Variants in SLCO2B1 observed in about 807,000 individuals in gnomAD.
The protein encoded by SLCO2B1 is solute carrier organic anion transporter family member 2B1.
A neutral mutation model predicts 67.3 loss-of-function variants in SLCO2B1; 41 were observed. The ratio of observed to expected loss-of-function variants is 0.61; its 90% CI spans 0.47 to 0.79. The LOEUF (loss-of-function observed/expected upper bound fraction) is 0.79. SLCO2B1 is among the 30% of genes least tolerant of loss of function. SLCO2B1 has a pLI of 0.00. For synonymous variants in SLCO2B1, 379 were observed against 381.4 expected, an observed-to-expected ratio of 0.99 and a Z score of 0.07; for missense variants, 837 against 920.1, an observed-to-expected ratio of 0.91 and a Z score of 1.17.
At chr11:75,165,455 C>A (rs1371527086) in intron 3 of SLCO2B1, among the ~76,000 whole-genome samples, 3 of 151,948 alleles carry the variant, frequency 2.0e-5, no homozygotes, top group Admixed American at 6.6e-5. Context: ...AAAATTCAAG[C>A]CTTGACCTGG....
chr11:75,151,794 G>A (rs898551698), intron 1 of SLCO2B1: 52 of 221,770 alleles, frequency 2.3e-4, no homozygotes, highest in African/African-American at 1.1e-3. Context: ...CTCAAACGAA[G>A]AGGCACACAG....
intron 11 of SLCO2B1, 108 bp downstream of exon 11, chr11:75,200,495 T>G (rs1945166430): frequency 7.8e-6 from 9 of 1,153,158 alleles, no homozygotes; most frequent in Non-Finnish European, 8.4e-6. Context: ...CACTTGGGTG[T>G]CCTGGCCCCC....
intron 8 of SLCO2B1, among the ~76,000 whole-genome samples, chr11:75,190,964 G>A (rs1486896458): frequency 1.3e-5 from 2 of 152,202 alleles, no homozygotes; most frequent in Admixed American, 6.5e-5. Context: ...CTCAGTGAAA[G>A]GCATAGCCTC....
At chr11:75,203,082 C>T in intron 12 of SLCO2B1, 117 bp downstream of exon 12, 9 of 1,184,084 alleles carry the variant, frequency 7.6e-6, no homozygotes, top group Non-Finnish European at 1.1e-5. Flanking sequence ...GGCTCACAAG[C>T]TCATGGGGTG....
chr11:75,174,785 T>C (rs1275459284), intron 7 of SLCO2B1, among the ~76,000 whole-genome samples: 2 of 152,134 alleles, frequency 1.3e-5, no homozygotes, highest in African/African-American at 4.8e-5. Context: ...GTCCTAAATT[T>C]GAACAGAGAA....
intron 9 of SLCO2B1, among the ~76,000 whole-genome samples, chr11:75,194,636 C>T (rs538778867): frequency 3.3e-5 from 5 of 152,108 alleles, no homozygotes; most frequent in South Asian, 2.1e-4. Flanking sequence ...CTCCTGTGTG[C>T]GGAGCCTTGT....
At position 75,193,778 on chromosome 11, in the gene SLCO2B1, AG is replaced by A. The variant is rs1464373589; in HGVS notation, c.1433+207del. Among the ~76,000 whole-genome samples, 20 of 152,210 alleles carry A rather than the reference AG, an allele frequency of 1.3e-4. 1 individual carries two copies. Among genetic ancestry groups the A allele is most frequent in the Admixed American group, 8.5e-4 (13 of 15,290 alleles). The stretch of plus-strand genomic sequence containing the variant: ...AGGGTAGGTGTCAGGCACCACTGGA[AG>A]GGGCATGGATGAGACTTCAGGGGCA... On this transcript the variant is annotated intron_variant, in intron 9 of 13. Coordinates refer to ENST00000289575, the MANE Select transcript of SLCO2B1 (RefSeq NM_007256.5). The surrounding 1 kb of genome is among the most constrained non-coding windows in gnomAD (Gnocchi z 4.2).
chr11:75,169,742 G>C lies in SLCO2B1; in HGVS notation c.759G>C (p.Val253=). 2 of 1,614,090 alleles carry C rather than the reference G, an allele frequency of 1.2e-6. No individual in the cohort carries two copies. The highest frequency in any genetic ancestry group is 1.7e-6 in the Non-Finnish European group (2 of 1,179,982). The part of the protein sequence containing the change: ...GLGSLMLRLY[V]DINQMPEGGI... ...GCAGCCTCATGCTGCGCCTTTATGTGGACATTAACCAGATGCCAGAAGGTG... is the reference window on the plus strand; with the variant it reads ...GCAGCCTCATGCTGCGCCTTTATGTCGACATTAACCAGATGCCAGAAGGTG... Residue 253 remains valine (V), a synonymous_variant, in exon 6 of 14, where the codon GTG becomes GTC. Transcript: ENST00000289575.
chr11:75,166,295 A>G (rs1949891736), intron 4 of SLCO2B1, among the ~76,000 whole-genome samples: 1 of 152,232 alleles, frequency 6.6e-6, no homozygotes, highest in South Asian at 2.1e-4. Context: ...TAATAGTGTC[A>G]TACACTACTT....
intron 1 of SLCO2B1, among the ~76,000 whole-genome samples, chr11:75,153,513 G>A (rs976457366): frequency 6.6e-6 from 1 of 152,222 alleles, no homozygotes; most frequent in Non-Finnish European, 1.5e-5. Flanking sequence ...CAGCAGAGTG[G>A]AGGCCAGCCC....
chr11:75,199,201 A>G (rs1404468839), intron 10 of SLCO2B1, among the ~76,000 whole-genome samples: 1 of 152,122 alleles, frequency 6.6e-6, no homozygotes, highest in African/African-American at 2.4e-5. Flanking sequence ...GCTTGTGTGA[A>G]GGGTCTTCAG....
intron 7 of SLCO2B1, among the ~76,000 whole-genome samples, chr11:75,187,821 G>A (rs1944959111): frequency 6.6e-6 from 1 of 152,136 alleles, no homozygotes; most frequent in African/African-American, 2.4e-5. Flanking sequence ...AAATGATGAT[G>A]ATGATTATGG....
chr11:75,157,489 G>T (rs544914843), intron 1 of SLCO2B1, among the ~76,000 whole-genome samples: 1 of 152,312 alleles, frequency 6.6e-6, no homozygotes, highest in African/African-American at 2.4e-5. Flanking sequence ...CCCAGAGAGG[G>T]AGAGAGATGA....
intron 7 of SLCO2B1, among the ~76,000 whole-genome samples, chr11:75,176,723 G>T (rs1591821327): frequency 6.6e-6 from 1 of 152,184 alleles, no homozygotes; most frequent in Non-Finnish European, 1.5e-5. Context: ...AGGACTTAGG[G>T]CTGGTCTGTA....
chr11:75,185,785 A>G (rs1338431054), intron 7 of SLCO2B1, among the ~76,000 whole-genome samples: 1 of 152,182 alleles, frequency 6.6e-6, no homozygotes, highest in Non-Finnish European at 1.5e-5. Context: ...CCCTAGCTAC[A>G]ATACATGTTT....
intron 4 of SLCO2B1, among the ~76,000 whole-genome samples, chr11:75,167,638 G>T (rs1949908618): frequency 6.6e-6 from 1 of 152,166 alleles, no homozygotes. Context: ...AGGCAGACAT[G>T]ACCTCTCTAA....
chr11:75,169,948 A>T, intron 6 of SLCO2B1, 184 bp downstream of exon 6: 1 of 587,902 alleles, frequency 1.7e-6, no homozygotes, highest in Non-Finnish European at 3.0e-6. Context: ...TCTGTCTCCT[A>T]AAGCTGTGAT....
intron 1 of SLCO2B1, among the ~76,000 whole-genome samples, chr11:75,153,916 G>A (rs1949718077): frequency 6.8e-6 from 1 of 146,354 alleles, no homozygotes; most frequent in Non-Finnish European, 1.5e-5. Context: ...CCAATCATGT[G>A]TACAGTACTT....
intron 4 of SLCO2B1, among the ~76,000 whole-genome samples, chr11:75,166,833 AC>A (rs1056022529): frequency 1.3e-5 from 2 of 152,070 alleles, no homozygotes; most frequent in African/African-American, 4.8e-5. Flanking sequence ...AGGAGCCCAC[AC>A]CCCAGCCTGG....
Sources: allele counts gnomAD v4.1 joint callset (sites outside exome capture counted in the v4.1 genomes callset), GRCh38; gene constraint gnomAD v4.1.1; non-coding constraint Gnocchi (gnomAD v3.1); transcripts MANE v1.5; gene names NCBI Gene and HGNC (gene_info 2026-07-23, HGNC 2026-07-21).